Variants in RBMS3 observed in about 807,000 individuals in gnomAD.
RBMS3 encodes the protein RNA binding motif single stranded interacting protein 3, also known as RNA-binding motif, single-stranded-interacting protein 3.
A neutral mutation model predicts 66.8 loss-of-function variants in RBMS3; 27 were observed. That is an observed-to-expected ratio of 0.40 (90% CI 0.30 to 0.56). RBMS3 has a LOEUF of 0.56. RBMS3 is among the 20% of genes least tolerant of loss of function. RBMS3 has a pLI of 0.40. For synonymous variants in RBMS3, 188 were observed against 183.0 expected (o/e 1.03, Z -0.22); for missense variants, 513 against 549.5 (o/e 0.93, Z 0.66).
chr3:29,814,940 A>T (rs6549957), intron 6 of RBMS3, among the ~76,000 whole-genome samples: 77,652 of 151,978 alleles, frequency 0.51, 20,849 homozygotes, highest in African/African-American at 0.61. Flanking sequence ...ATATAAAGTT[A>T]CAGAATGAGT....
intron 1 of RBMS3, among the ~76,000 whole-genome samples, chr3:29,337,403 C>T (rs916746418): frequency 2.0e-5 from 3 of 151,964 alleles, no homozygotes; most frequent in African/African-American, 7.3e-5. Flanking sequence ...CTTTGGGATC[C>T]AGGGGTGGGA....
rs1447415309 is a variant in RBMS3, at chr3:29,373,797, G to A, written c.76-60946G>A. On this transcript the variant is annotated intron_variant, in intron 1 of 14. Coordinates refer to ENST00000383767, the MANE Select transcript of RBMS3 (RefSeq NM_001003793.3). The stretch of plus-strand genomic sequence containing the variant: ...ATTCTAGGCTTTGCAGTTTGAAAAG[G>A]GTTGTATAGGGGTGGGTAGTGTTCT... 8.5e-5 allele frequency among the ~76,000 whole-genome samples: 13 copies of A among 152,264 alleles called. 1 individual carries two copies. Among genetic ancestry groups the A allele is most frequent in the African/African-American group, 3.1e-4 (13 of 41,550 alleles).
chr3:29,866,000 G>T (rs1358392075), intron 6 of RBMS3, among the ~76,000 whole-genome samples: 1 of 141,680 alleles, frequency 7.1e-6, no homozygotes, highest in Non-Finnish European at 1.5e-5. Context: ...TCATAGAGTT[G>T]TAGTAAAGAT....
chr3:29,331,293 C>T (rs2035639781), intron 1 of RBMS3, among the ~76,000 whole-genome samples: 1 of 152,094 alleles, frequency 6.6e-6, no homozygotes, highest in Non-Finnish European at 1.5e-5. Context: ...CTTAGGACAG[C>T]TGGAGACCTG....
chr3:29,864,957 GAAGAA>G (rs2059316117), intron 6 of RBMS3, among the ~76,000 whole-genome samples: 1 of 99,192 alleles, frequency 1.0e-5, no homozygotes, highest in African/African-American at 4.1e-5. Context: ...GGGAAGGAAG[GAAGAA>G]AGGAAGGAAG....
chr3:29,596,024 G>A (rs963266999), intron 4 of RBMS3, among the ~76,000 whole-genome samples: 1 of 152,140 alleles, frequency 6.6e-6, no homozygotes, highest in African/African-American at 2.4e-5. Flanking sequence ...CTCCCATTTG[G>A]AAGTATTATG....
intron 6 of RBMS3, among the ~76,000 whole-genome samples, chr3:29,772,792 T>C (rs2149397576): frequency 6.6e-6 from 1 of 152,050 alleles, no homozygotes; most frequent in South Asian, 2.1e-4. Context: ...ATCATTAGAG[T>C]TGCTTGTGTG....
At chr3:29,406,330 A>G (rs1030767251) in intron 1 of RBMS3, among the ~76,000 whole-genome samples, 1 of 152,194 alleles carries the variant, frequency 6.6e-6, no homozygotes, top group African/African-American at 2.4e-5. Context: ...CGGTGGGATG[A>G]TATTTTTAGT....
chr3:29,983,738 C>A (rs1318423925), intron 12 of RBMS3, among the ~76,000 whole-genome samples: 1 of 152,062 alleles, frequency 6.6e-6, no homozygotes, highest in African/African-American at 2.4e-5. Flanking sequence ...GAATATTTGC[C>A]ACCATTCTCT....
At chr3:29,590,433 A>G (rs1542415) in intron 4 of RBMS3, among the ~76,000 whole-genome samples, 43,629 of 151,980 alleles carry the variant, frequency 0.29, 7,055 homozygotes, top group African/African-American at 0.44. Context: ...TCTATAAATC[A>G]TAATACATGT....
intron 4 of RBMS3, among the ~76,000 whole-genome samples, chr3:29,648,830 T>C (rs1360372223): frequency 6.6e-6 from 1 of 152,152 alleles, no homozygotes; most frequent in Admixed American, 6.5e-5. Flanking sequence ...AAGACTTCCA[T>C]GTTATTCTTA....
At chr3:29,379,316 G>T (rs184730138) in intron 1 of RBMS3, among the ~76,000 whole-genome samples, 171 of 152,202 alleles carry the variant, frequency 1.1e-3, no homozygotes, top group Non-Finnish European at 1.7e-3. Flanking sequence ...TTGAATTAGA[G>T]AATTTTTTAA....
Position 29,936,104 on chromosome 3 carries a change from A to G in RBMS3, c.958A>G (p.Thr320Ala), listed in dbSNP as rs1055192613. Residue 320 changes from threonine to alanine, a missense_variant, in exon 11 of 15, where the codon ACC (threonine) becomes GCC (alanine). By Grantham distance (58) the Thr-to-Ala change is moderately conservative (BLOSUM62 0). Transcript: ENST00000383767. ...CTTGTAGGGTGCTGTGATTACACCA[A>G]CCATGGACCATCCCATGTCAATGCA... ...MQPTGAVITPTMDHPMSMQPA... is the reference protein window; with the variant it reads ...MQPTGAVITPAMDHPMSMQPA... 8.7e-6 allele frequency: 14 copies of G among 1,613,182 alleles called. No homozygotes were observed. Among genetic ancestry groups the G allele is most frequent in the Non-Finnish European group, 1.2e-5 (14 of 1,179,466 alleles).
At chr3:29,333,943 T>C (rs2035807172) in intron 1 of RBMS3, among the ~76,000 whole-genome samples, 1 of 152,200 alleles carries the variant, frequency 6.6e-6, no homozygotes, top group Non-Finnish European at 1.5e-5. Flanking sequence ...AAGTGCTCAG[T>C]ACTTCCATAA....
intron 3 of RBMS3, among the ~76,000 whole-genome samples, chr3:29,504,502 T>C (rs1460761513): frequency 6.6e-6 from 1 of 152,154 alleles, no homozygotes; most frequent in African/African-American, 2.4e-5. Context: ...AAAAAGGTTC[T>C]GAAGGTAGAT....
chr3:29,643,567 T>C (rs975734053), intron 4 of RBMS3, among the ~76,000 whole-genome samples: 13 of 152,076 alleles, frequency 8.5e-5, no homozygotes, highest in Admixed American at 8.5e-4. Context: ...CACGGATCCA[T>C]ATGCTTATTT....
At chr3:29,858,163 A>C (rs1443197378) in intron 6 of RBMS3, among the ~76,000 whole-genome samples, 3 of 152,164 alleles carry the variant, frequency 2.0e-5, no homozygotes, top group Non-Finnish European at 4.4e-5. Context: ...TAACCTTTCT[A>C]TAGTTTGAAT....
At chr3:29,450,199 A>C (rs1468441047) in intron 2 of RBMS3, among the ~76,000 whole-genome samples, 1 of 152,138 alleles carries the variant, frequency 6.6e-6, no homozygotes, top group African/African-American at 2.4e-5. Flanking sequence ...GGAGGGAATG[A>C]ATTTGAAAGA....
intron 4 of RBMS3, among the ~76,000 whole-genome samples, chr3:29,611,983 G>T (rs2048507238): frequency 6.6e-6 from 1 of 151,846 alleles, no homozygotes; most frequent in African/African-American, 2.4e-5. Context: ...TCTAATTCCT[G>T]GGTCTCACCC....
Sources: allele counts gnomAD v4.1 joint callset (sites outside exome capture counted in the v4.1 genomes callset), GRCh38; gene constraint gnomAD v4.1.1; transcripts MANE v1.5; gene names NCBI Gene and HGNC (gene_info 2026-07-23, HGNC 2026-07-21).